The following DHRSX variants were observed in gnomAD, a reference collection of about 807,000 sequenced individuals.
The protein encoded by DHRSX is dehydrogenase/reductase X-linked, also known as polyprenol dehydrogenase.
DHRSX carries 31 observed loss-of-function variants against 34.0 expected under a neutral mutation model. That is an observed-to-expected ratio of 0.91 (90% confidence interval 0.69 to 1.23). The LOEUF (loss-of-function observed/expected upper bound fraction) is 1.23. Ranked by LOEUF, DHRSX falls within the 50% of genes most tolerant of loss-of-function variation. The pLI is 0.00. For missense variants in DHRSX, 414 were observed against 428.1 expected, an observed-to-expected ratio of 0.97 and a Z score of 0.29; for synonymous variants, 201 against 183.8, an observed-to-expected ratio of 1.09 and a Z score of -0.76.
At chrX:2,331,434 TGG>T (rs2042471328) in intron 3 of DHRSX, among the ~76,000 whole-genome samples, 4 of 122,908 alleles carry the variant, frequency 3.3e-5, no homozygotes, top group Non-Finnish European at 6.4e-5. Context: ...GAAGGTTTTT[TGG>T]TTTTTTTTTT....
chrX:2,307,506 G>A (rs2042112730), intron 3 of DHRSX, among the ~76,000 whole-genome samples: 1 of 152,146 alleles, frequency 6.6e-6, no homozygotes, highest in South Asian at 2.1e-4. Context: ...GCTCACGCCT[G>A]TAATCCCAGC....
At chrX:2,500,765 C>T (rs898451295) in intron 1 of DHRSX, 52 bp downstream of exon 1, 9 of 952,940 alleles carry the variant, frequency 9.4e-6, no homozygotes, top group Non-Finnish European at 1.2e-5. Flanking sequence ...CCCGAGCCAG[C>T]CCGCGCCCAC....
intron 1 of DHRSX, chrX:2,489,618 G>C (rs763582021): frequency 6.2e-7 from 1 of 1,612,662 alleles, no homozygotes; most frequent in Non-Finnish European, 8.5e-7. Context: ...ATGACGAACT[G>C]CTGCTCCTTG....
chrX:2,339,441 G>A (rs939412513), intron 3 of DHRSX, among the ~76,000 whole-genome samples: 18 of 152,008 alleles, frequency 1.2e-4, no homozygotes, highest in Non-Finnish European at 2.2e-4. Flanking sequence ...ATCCGATCAC[G>A]AGTAAGTTCT....
intron 3 of DHRSX, among the ~76,000 whole-genome samples, chrX:2,294,327 T>C (rs2041904333): frequency 6.6e-6 from 1 of 151,978 alleles, no homozygotes; most frequent in Non-Finnish European, 1.5e-5. Context: ...GCAGATCACG[T>C]GAGGTCAGGA....
chrX:2,324,343 T>A (rs2042350525), intron 3 of DHRSX, among the ~76,000 whole-genome samples: 1 of 152,146 alleles, frequency 6.6e-6, no homozygotes, highest in African/African-American at 2.4e-5. Flanking sequence ...TAGGCGGCTC[T>A]CACTCCTCTC....
At chrX:2,268,451 T>A (rs1304733752) in intron 4 of DHRSX, among the ~76,000 whole-genome samples, 1 of 152,266 alleles carries the variant, frequency 6.6e-6, no homozygotes, top group Non-Finnish European at 1.5e-5. Context: ...CATATATGCA[T>A]ACGCATTTGT....
chrX:2,399,972 G>A lies in DHRSX; in HGVS notation c.286+8773C>T, dbSNP rs139781060. Among the ~76,000 whole-genome samples, 1,297 of 152,012 alleles carry A rather than the reference G, an allele frequency of 8.5e-3. 84 individuals are homozygous for A. In the South Asian group the frequency reaches 0.12, roughly 14 times the overall value. On this transcript the variant is annotated intron_variant, in intron 3 of 6. Transcript: ENST00000334651. Reference sequence around the variant, plus strand: ...GAAGTTTCCTACTGAGGAGTTTGAGGCTGCAGTGAGCTATGATCACACCAC... The same window carrying A: ...GAAGTTTCCTACTGAGGAGTTTGAGACTGCAGTGAGCTATGATCACACCAC...
At chrX:2,403,044 G>A (rs764480163) in intron 3 of DHRSX, among the ~76,000 whole-genome samples, 18 of 152,040 alleles carry the variant, frequency 1.2e-4, no homozygotes, top group African/African-American at 3.1e-4. Flanking sequence ...CACCACGCCC[G>A]GCTAATTTTT....
intron 3 of DHRSX, among the ~76,000 whole-genome samples, chrX:2,390,194 A>C (rs1270971806): frequency 7.8e-6 from 1 of 128,298 alleles, no homozygotes; most frequent in Non-Finnish European, 1.6e-5. Context: ...CCCATCCTGG[A>C]GTGTAATAGC....
At chrX:2,373,939 G>T (rs1381369452) in intron 3 of DHRSX, among the ~76,000 whole-genome samples, 1 of 152,092 alleles carries the variant, frequency 6.6e-6, no homozygotes, top group Non-Finnish European at 1.5e-5. Context: ...GAAGAAAAAA[G>T]GTCAATGATA....
At chrX:2,296,060 G>T (rs1023660459) in intron 3 of DHRSX, among the ~76,000 whole-genome samples, 4 of 152,034 alleles carry the variant, frequency 2.6e-5, no homozygotes, top group African/African-American at 9.7e-5. Context: ...CCCAAGCCAC[G>T]CCGGGCATCT....
chrX:2,256,374 C>CA (rs1157219146), intron 5 of DHRSX, among the ~76,000 whole-genome samples: 8 of 151,580 alleles, frequency 5.3e-5, no homozygotes, highest in Admixed American at 2.6e-4. Flanking sequence ...TGGCCCACTG[C>CA]AACCTCCACC....
intron 1 of DHRSX, among the ~76,000 whole-genome samples, chrX:2,499,103 AG>A (rs1219910428): frequency 2.6e-5 from 4 of 152,126 alleles, no homozygotes; most frequent in Non-Finnish European, 5.9e-5. Context: ...CGCTTCTCAA[AG>A]GGTGGCGCTG....
intron 6 of DHRSX, among the ~76,000 whole-genome samples, chrX:2,224,537 G>C (rs1044128545): frequency 1.3e-5 from 2 of 152,128 alleles, no homozygotes; most frequent in Non-Finnish European, 2.9e-5. Context: ...GAAAATGTAG[G>C]TATTTCTGGG....
rs34905995 is a variant in DHRSX at position 2,469,737 on chromosome X, T to C, written c.109+31080A>G. Reference sequence around the variant, plus strand: ...CCACTGAAGATGTTCCCTAAGCATATAGCCAAGGGACCGACACCATGTACA... The same window carrying C: ...CCACTGAAGATGTTCCCTAAGCATACAGCCAAGGGACCGACACCATGTACA... On this transcript the variant is annotated intron_variant, in intron 1 of 6. Coordinates refer to ENST00000334651, the MANE Select transcript of DHRSX (RefSeq NM_145177.3). Among the ~76,000 whole-genome samples, 944 of 151,220 alleles carry C rather than the reference T, an allele frequency of 6.2e-3. 7 individuals carry two copies. Among genetic ancestry groups the C allele is most frequent in the Middle Eastern group, 0.021 (6 of 290 alleles).
At chrX:2,249,933 G>C (rs1175748615) in intron 5 of DHRSX, among the ~76,000 whole-genome samples, 1 of 151,950 alleles carries the variant, frequency 6.6e-6, no homozygotes, top group Non-Finnish European at 1.5e-5. Flanking sequence ...GGAGGCCAAG[G>C]CTGGCAGATC....
Position 2,302,612 on chromosome X carries a change from A to AAAT in DHRSX, c.287-11010_287-11009insATT. 1.3e-5 allele frequency among the ~76,000 whole-genome samples: 2 copies of AAAT among 149,866 alleles called. 1 individual carries two copies. Among genetic ancestry groups the AAAT allele is most frequent in the South Asian group, 4.3e-4 (2 of 4,686 alleles). ...GGGTGACAGAGCCAGACTGTCTCAA[A>AAAT]AAATAAATAAATAAATAAATAAAGT... On this transcript the variant is annotated intron_variant, in intron 3 of 6. Transcript: ENST00000334651.
At position 2,408,678 on chromosome X, in the gene DHRSX, C is replaced by A; in HGVS notation, c.286+67G>T. 7 of 1,415,586 alleles carry A rather than the reference C, an allele frequency of 4.9e-6. No homozygotes were observed. In the Admixed American group the frequency reaches 8.3e-5, roughly 17 times the overall value. 87.7% of individuals were successfully genotyped at this position (1,415,586 alleles called of 1,614,324 possible). A position where few individuals can be genotyped will look rare whatever the true frequency, so the allele number is the denominator to read the frequency against. ...CACGTGACTGAAGCTCAGCCATGAACCACGCAAACGACCTGTCCCAAGGAA... is the reference window on the plus strand; with the variant it reads ...CACGTGACTGAAGCTCAGCCATGAAACACGCAAACGACCTGTCCCAAGGAA... On this transcript the variant is annotated intron_variant, in intron 3 of 6. Coordinates refer to ENST00000334651, the MANE Select transcript of DHRSX (RefSeq NM_145177.3).
Sources: gnomAD v4.1 joint callset for allele counts (sites outside exome capture counted in the v4.1 genomes callset) on GRCh38, gnomAD v4.1.1 for gene constraint, MANE v1.5 for transcripts, NCBI Gene and HGNC (gene_info 2026-07-23, HGNC 2026-07-21) for gene names.